KCND2: variants seen among roughly 807,000 people sequenced by gnomAD.
The protein encoded by KCND2 is A-type voltage-gated potassium channel KCND2.
KCND2 carries 16 observed loss-of-function variants against 54.4 expected under a neutral mutation model. That is an observed-to-expected ratio of 0.29 (90% confidence interval 0.20 to 0.45). The LOEUF (loss-of-function observed/expected upper bound fraction) is 0.45, where lower values mean the gene tolerates loss of function less well. Among genes scored for constraint, KCND2 ranks in the 20% least tolerant of loss-of-function variants. The pLI, the probability that KCND2 is intolerant of heterozygous loss-of-function variation, is 1.00. For missense variants in KCND2, 486 were observed against 824.2 expected, an observed-to-expected ratio of 0.59 and a Z score of 5.02; for synonymous variants, 317 against 310.7, an observed-to-expected ratio of 1.02 and a Z score of -0.21.
At chr7:120,426,882 A>G (rs150921800) in intron 1 of KCND2, among the ~76,000 whole-genome samples, 1,633 of 152,216 alleles carry the variant, frequency 0.011, 29 homozygotes, top group African/African-American at 0.037. Flanking sequence ...AGCCTCCTAA[A>G]GTGCTGAGAT....
intron 1 of KCND2, among the ~76,000 whole-genome samples, chr7:120,323,478 G>T (rs970216245): frequency 4.0e-5 from 6 of 149,866 alleles, no homozygotes; most frequent in African/African-American, 1.5e-4. Flanking sequence ...TCCCCAGAGT[G>T]TGATGTTCCC....
intron 1 of KCND2, among the ~76,000 whole-genome samples, chr7:120,556,462 G>C (rs181431077): frequency 1.0e-3 from 155 of 152,288 alleles, no homozygotes; most frequent in South Asian, 1.9e-3. Flanking sequence ...CTCAGGGAAG[G>C]CAGAGAGGTC....
chr7:120,614,934 C>G (rs1562888468), intron 1 of KCND2, among the ~76,000 whole-genome samples: 2 of 152,118 alleles, frequency 1.3e-5, no homozygotes, highest in South Asian at 4.1e-4. Flanking sequence ...ATCCCAGGAG[C>G]TTTTCTTTTC....
chr7:120,500,685 C>G (rs1464511719), intron 1 of KCND2, among the ~76,000 whole-genome samples: 1 of 151,874 alleles, frequency 6.6e-6, no homozygotes, highest in Non-Finnish European at 1.5e-5. Flanking sequence ...AGTTATACAA[C>G]ATTATAAAAA....
intron 1 of KCND2, among the ~76,000 whole-genome samples, chr7:120,644,269 T>C (rs1001442051): frequency 1.3e-5 from 2 of 152,160 alleles, no homozygotes; most frequent in African/African-American, 4.8e-5. Context: ...ATTCCTGTTT[T>C]CAACTCTCCT....
intron 1 of KCND2, among the ~76,000 whole-genome samples, chr7:120,595,745 A>C (rs987125580): frequency 6.6e-6 from 1 of 151,756 alleles, no homozygotes; most frequent in Non-Finnish European, 1.5e-5. Flanking sequence ...TTGTGTAAAA[A>C]TAATTGAACT....
chr7:120,562,637 A>G (rs1792249295), intron 1 of KCND2, among the ~76,000 whole-genome samples: 1 of 152,234 alleles, frequency 6.6e-6, no homozygotes, highest in South Asian at 2.1e-4. Flanking sequence ...CTCACTTTTA[A>G]ATGATAAACT....
intron 1 of KCND2, among the ~76,000 whole-genome samples, chr7:120,483,615 A>G (rs939265566): frequency 4.6e-5 from 7 of 152,208 alleles, no homozygotes; most frequent in Non-Finnish European, 1.5e-5. Flanking sequence ...TGAGAGGAGG[A>G]AAATCAGAAA....
chr7:120,681,526 T>TTCTCTC (rs144959260), intron 1 of KCND2, among the ~76,000 whole-genome samples: 2 of 148,534 alleles, frequency 1.3e-5, no homozygotes, highest in African/African-American at 2.5e-5. Flanking sequence ...AACAAATAAG[T>TTCTCTC]TCTCTCTCTC....
At chr7:120,646,681 A>C (rs112528633) in intron 1 of KCND2, among the ~76,000 whole-genome samples, 20 of 152,362 alleles carry the variant, frequency 1.3e-4, no homozygotes, top group African/African-American at 4.8e-4. Context: ...TAAATAAATA[A>C]GTTATTTTAA....
At chr7:120,640,826 T>C (rs1793362179) in intron 1 of KCND2, among the ~76,000 whole-genome samples, 1 of 152,196 alleles carries the variant, frequency 6.6e-6, no homozygotes, top group African/African-American at 2.4e-5. Context: ...GCCTTTCTCC[T>C]GGGGTGCTTC....
intron 1 of KCND2, among the ~76,000 whole-genome samples, chr7:120,617,538 G>T (rs1449915697): frequency 6.6e-6 from 1 of 152,190 alleles, no homozygotes; most frequent in Non-Finnish European, 1.5e-5. Flanking sequence ...TACACTGCTG[G>T]TGGGAATGTA....
At chr7:120,588,402 A>AGTGTGTGTGT (rs3993713) in intron 1 of KCND2, among the ~76,000 whole-genome samples, 3,575 of 141,344 alleles carry the variant, frequency 0.025, 75 homozygotes, top group South Asian at 0.042. Context: ...GCAACTGTGC[A>AGTGTGTGTGT]GTGTGTGTGT....
intron 1 of KCND2, among the ~76,000 whole-genome samples, chr7:120,528,379 T>A (rs1032327271): frequency 6.6e-6 from 1 of 152,166 alleles, no homozygotes; most frequent in Non-Finnish European, 1.5e-5. Flanking sequence ...AAAAAACAAA[T>A]TGATGACACA....
intron 1 of KCND2, among the ~76,000 whole-genome samples, chr7:120,313,534 T>C (rs1799770102): frequency 6.6e-6 from 1 of 152,002 alleles, no homozygotes; most frequent in Non-Finnish European, 1.5e-5. Context: ...CGATTTTCCA[T>C]GTCTCCCTCT....
intron 1 of KCND2, among the ~76,000 whole-genome samples, chr7:120,313,121 C>T (rs141046907): frequency 2.0e-5 from 3 of 152,136 alleles, no homozygotes; most frequent in African/African-American, 4.8e-5. Flanking sequence ...ATTGTCTGCT[C>T]TATTTCACAC....
chr7:120,307,007 A>G (rs1799657916), intron 1 of KCND2, among the ~76,000 whole-genome samples: 1 of 152,090 alleles, frequency 6.6e-6, no homozygotes, highest in Non-Finnish European at 1.5e-5. Context: ...ATTCAGGCCT[A>G]AATAGCCTTA....
intron 1 of KCND2, among the ~76,000 whole-genome samples, chr7:120,572,706 C>T (rs1009228049): frequency 7.2e-5 from 11 of 152,048 alleles, no homozygotes; most frequent in South Asian, 4.2e-4. Flanking sequence ...TTATTAGAGA[C>T]GGGGTTTCAT....
At chr7:120,564,299 T>C (rs1792271322) in intron 1 of KCND2, among the ~76,000 whole-genome samples, 1 of 152,190 alleles carries the variant, frequency 6.6e-6, no homozygotes, top group Non-Finnish European at 1.5e-5. Context: ...CGTGATATTC[T>C]TCTTGTGCAG....
Sources: gnomAD v4.1 joint callset for allele counts (sites outside exome capture counted in the v4.1 genomes callset) on GRCh38, gnomAD v4.1.1 for gene constraint, MANE v1.5 for transcripts, NCBI Gene and HGNC (gene_info 2026-07-23, HGNC 2026-07-21) for gene names.